Variants in NFATC1 observed in about 807,000 individuals in gnomAD.
NFATC1 encodes the protein nuclear factor of activated T-cells, cytoplasmic 1.
A neutral mutation model predicts 76.0 loss-of-function variants in NFATC1; 22 were observed. That is an observed-to-expected ratio of 0.29 (90% CI 0.21 to 0.41). The LOEUF is 0.41. Among genes scored for constraint, NFATC1 ranks in the 10% least tolerant of loss-of-function variants. NFATC1 has a pLI of 1.00. For missense variants in NFATC1, 1,357 were observed against 1,337.7 expected, an observed-to-expected ratio of 1.01 and a Z score of -0.23; for synonymous variants, 704 against 613.1, an observed-to-expected ratio of 1.15 and a Z score of -2.19.
At chr18:79,447,408 G>T (rs1476754087) in intron 3 of NFATC1, among the ~76,000 whole-genome samples, 2 of 152,370 alleles carry the variant, frequency 1.3e-5, no homozygotes, top group Non-Finnish European at 2.9e-5. Flanking sequence ...CCTGGACTCT[G>T]CACGTGGTCA....
intron 8 of NFATC1, among the ~76,000 whole-genome samples, chr18:79,483,240 G>A (rs1399784603): frequency 7.3e-6 from 1 of 136,916 alleles, no homozygotes; most frequent in African/African-American, 2.8e-5. Flanking sequence ...GTCCTGGGGT[G>A]TCACTCCAGC....
At chr18:79,432,759 A>G (rs1375974841) in intron 2 of NFATC1, among the ~76,000 whole-genome samples, 5 of 152,228 alleles carry the variant, frequency 3.3e-5, no homozygotes, top group Admixed American at 3.3e-4. Context: ...AGGAGTGTTG[A>G]GACAGTCTGC....
intron 9 of NFATC1, among the ~76,000 whole-genome samples, chr18:79,509,804 G>T (rs994007958): frequency 6.6e-6 from 1 of 152,236 alleles, no homozygotes; most frequent in Non-Finnish European, 1.5e-5. Context: ...TCCAATCCCA[G>T]CTTCTGCTCC....
chr18:79,423,422 G>A (rs2086169967), intron 2 of NFATC1, among the ~76,000 whole-genome samples: 2 of 152,228 alleles, frequency 1.3e-5, no homozygotes, highest in Admixed American at 6.5e-5. Context: ...CCCAAAGGCG[G>A]CGTCCTGGGC....
chr18:79,509,142 G>T (rs563763331), intron 9 of NFATC1, among the ~76,000 whole-genome samples: 1 of 152,240 alleles, frequency 6.6e-6, no homozygotes, highest in Non-Finnish European at 1.5e-5. Flanking sequence ...AGGTGTGTGG[G>T]CTCCGGGGAG....
chr18:79,433,296 C>T (rs1299484550), intron 2 of NFATC1, among the ~76,000 whole-genome samples: 1 of 152,180 alleles, frequency 6.6e-6, no homozygotes, highest in Admixed American at 6.5e-5. Context: ...TAAAACCTGT[C>T]TTACTGGAGG....
intron 9 of NFATC1, among the ~76,000 whole-genome samples, chr18:79,517,515 G>A (rs1016068363): frequency 5.3e-5 from 8 of 152,182 alleles, no homozygotes; most frequent in Middle Eastern, 3.2e-3. Context: ...AAAGTGAGGC[G>A]GATGGGGACG....
chr18:79,450,809 G>A (rs2087438667), intron 4 of NFATC1, 145 bp from the exon 5 acceptor site: 1 of 1,068,476 alleles, frequency 9.4e-7, no homozygotes, highest in Non-Finnish European at 1.4e-6. Flanking sequence ...TCAAGGTCTT[G>A]TTTTCCTTGG....
In NFATC1 at chr18:79,451,078, A is replaced by C; in HGVS notation, c.1714A>C (p.Ser572Arg). The C allele has an allele frequency of 6.2e-7, 1 of 1,613,184 alleles. No individual in the cohort carries two copies. The highest frequency in any genetic ancestry group is 8.5e-7 in the Non-Finnish European group (1 of 1,179,936). ...GTTCCGCGTTCACGTCCCGCAACCCAGCGGCCGCACGCTGTCCCTGCAGGT... is the reference window on the plus strand; with the variant it reads ...GTTCCGCGTTCACGTCCCGCAACCCCGCGGCCGCACGCTGTCCCTGCAGGT... ...LVFRVHVPQP[S>R]GRTLSLQVAS... is the part of the protein sequence containing the mutation. The change falls in exon 5 of 10, where the codon AGC becomes CGC. Residue 572 changes from serine (S) to arginine (R), a missense_variant. This residue lies in a region of NFATC1 where 242 missense variants were observed against 329.2 expected (regional missense o/e 0.74). Transcript: ENST00000427363.
At position 79,455,805 on chromosome 18, in the gene NFATC1, C is replaced by T. The variant is rs527521108; in HGVS notation, c.1903+3989C>T. On this transcript the variant is annotated intron_variant, in intron 6 of 9. Transcript: ENST00000427363. The stretch of plus-strand genomic sequence containing the variant: ...ACGGCCGCCCCATCCCACGGCCGCC[C>T]CATCCTCTGGCCCTGGATGTTACCA... Among the ~76,000 whole-genome samples, 13 of 112,340 alleles carry T rather than the reference C, an allele frequency of 1.2e-4. No homozygotes were observed. The East Asian group carries it at 3.3e-3, about 29-fold the overall frequency. The allele number at this position is 112,340 out of a possible 152,430, so 73.7% of individuals were successfully genotyped here.
At chr18:79,401,807 C>T (rs895068542) in intron 1 of NFATC1, among the ~76,000 whole-genome samples, 1 of 152,202 alleles carries the variant, frequency 6.6e-6, no homozygotes, top group African/African-American at 2.4e-5. Context: ...AGTACACCCC[C>T]GGTCGTTCAC....
chr18:79,508,406 A>G (rs897605138), intron 9 of NFATC1, among the ~76,000 whole-genome samples: 1 of 152,198 alleles, frequency 6.6e-6, no homozygotes, highest in African/African-American at 2.4e-5. Context: ...GAGGGGGCGC[A>G]TGGGCAGGTG....
At chr18:79,491,348 G>A (rs963367936) in intron 9 of NFATC1, among the ~76,000 whole-genome samples, 5 of 152,258 alleles carry the variant, frequency 3.3e-5, no homozygotes, top group Middle Eastern at 3.4e-3. Flanking sequence ...GAAACAACAC[G>A]AACCCCAGGT....
At chr18:79,514,078 T>C (rs1000010442) in intron 9 of NFATC1, among the ~76,000 whole-genome samples, 4 of 152,102 alleles carry the variant, frequency 2.6e-5, no homozygotes, top group African/African-American at 9.7e-5. Flanking sequence ...CAGGTTCAGC[T>C]GTGAGCCGGT....
intron 2 of NFATC1, among the ~76,000 whole-genome samples, chr18:79,432,503 C>G (rs940654624): frequency 3.9e-5 from 6 of 152,050 alleles, no homozygotes; most frequent in African/African-American, 1.4e-4. Context: ...AGGGAGGGTC[C>G]CACCGCATCC....
At chr18:79,483,375 T>A (rs1306766199) in intron 8 of NFATC1, among the ~76,000 whole-genome samples, 3 of 125,754 alleles carry the variant, frequency 2.4e-5, no homozygotes, top group Non-Finnish European at 1.6e-5. Flanking sequence ...CGGCGTGACC[T>A]GGTTCCTGGG....
intron 8 of NFATC1, among the ~76,000 whole-genome samples, chr18:79,474,726 A>G (rs1490500244): frequency 2.7e-5 from 4 of 146,182 alleles, no homozygotes; most frequent in Non-Finnish European, 4.5e-5. Flanking sequence ...TCTCACGCTC[A>G]CTGTCGACAT....
intron 8 of NFATC1, among the ~76,000 whole-genome samples, chr18:79,472,209 G>C (rs1027632270): frequency 6.6e-6 from 1 of 152,124 alleles, no homozygotes; most frequent in Non-Finnish European, 1.5e-5. Flanking sequence ...CCACCACCCA[G>C]GGTCGACAGC....
At chr18:79,435,352 G>GTT (rs768119556) in intron 3 of NFATC1, among the ~76,000 whole-genome samples, 1 of 111,400 alleles carries the variant, frequency 9.0e-6, no homozygotes, top group South Asian at 2.9e-4. Context: ...TGGTTTGTTT[G>GTT]TTTTTTTTTT....
Sources: allele counts gnomAD v4.1 joint callset (sites outside exome capture counted in the v4.1 genomes callset), GRCh38; gene constraint gnomAD v4.1.1; regional missense constraint gnomAD v4.1.1; transcripts MANE v1.5; gene names NCBI Gene and HGNC (gene_info 2026-07-23, HGNC 2026-07-21).